CCDC3: variants seen among roughly 807,000 people sequenced by gnomAD.
CCDC3 encodes coiled-coil domain containing 3.
In CCDC3, 24 loss-of-function variants were observed where a neutral mutation model predicts 21.4. The ratio of observed to expected loss-of-function variants is 1.12; its 90% CI spans 0.81 to 1.58. CCDC3 has a LOEUF of 1.58. Ranked by LOEUF, CCDC3 falls within the 40% of genes most tolerant of loss-of-function variation. The pLI is 0.00. For synonymous variants in CCDC3, 186 were observed against 166.0 expected (o/e 1.12, Z -0.93); for missense variants, 425 against 360.9 (o/e 1.18, Z -1.44).
intron 2 of CCDC3, among the ~76,000 whole-genome samples, chr10:12,899,768 T>C (rs1834065042): frequency 6.6e-6 from 1 of 152,054 alleles, no homozygotes; most frequent in South Asian, 2.1e-4. Flanking sequence ...ACACTATCTC[T>C]GGGAGCATAT....
At chr10:13,049,330 A>G (rs1836573095) in intron 5 of CCDC3, among the ~76,000 whole-genome samples, 2 of 152,206 alleles carry the variant, frequency 1.3e-5, no homozygotes, top group Non-Finnish European at 2.9e-5. Context: ...AAATACAAGA[A>G]TCATGAAGGG....
At chr10:13,011,041 C>T (rs953523108) in intron 5 of CCDC3, among the ~76,000 whole-genome samples, 9 of 151,924 alleles carry the variant, frequency 5.9e-5, no homozygotes, top group African/African-American at 1.9e-4. Flanking sequence ...TTAGCTGGGC[C>T]GCGGTGGTGC....
At chr10:12,977,261 C>T (rs370648237) in intron 2 of CCDC3, among the ~76,000 whole-genome samples, 21 of 146,852 alleles carry the variant, frequency 1.4e-4, no homozygotes, top group African/African-American at 5.0e-4. Flanking sequence ...GGCAACAGAG[C>T]GAGACCTTGT....
chr10:12,999,678 A>C (rs1438326858), intron 1 of CCDC3, among the ~76,000 whole-genome samples: 3 of 152,234 alleles, frequency 2.0e-5, no homozygotes, highest in Non-Finnish European at 4.4e-5. Context: ...AGCAAAAAAG[A>C]TGAGAATTGG....
At chr10:12,916,916 T>C (rs1224513661) in intron 2 of CCDC3, among the ~76,000 whole-genome samples, 1 of 152,168 alleles carries the variant, frequency 6.6e-6, no homozygotes, top group Non-Finnish European at 1.5e-5. Context: ...TTGGGGCTAC[T>C]GGGTTGGGCC....
At position 13,032,110 on chromosome 10, in the gene CCDC3, G is replaced by A. The variant is rs554746711; in HGVS notation, c.-2+17564C>T. ...ATCCTCAATAAAATACTGGCAAACC[G>A]AACCCAGCAGCACATCAAAAAGCTT... is the stretch of plus-strand genomic sequence containing the variant. On this transcript the variant is annotated intron_variant, in intron 5 of 6. Coordinates refer to the CCDC3 transcript ENST00000378839. 8.5e-4 allele frequency among the ~76,000 whole-genome samples: 130 copies of A among 152,156 alleles called. 1 individual carries two copies. Among genetic ancestry groups the A allele is most frequent in the African/African-American group, 3.0e-3 (126 of 41,496 alleles).
intron 5 of CCDC3, among the ~76,000 whole-genome samples, chr10:13,031,049 T>A (rs1397479130): frequency 6.6e-6 from 1 of 152,230 alleles, no homozygotes; most frequent in Non-Finnish European, 1.5e-5. Flanking sequence ...TACATTCTTC[T>A]CAGCACCACA....
chr10:12,903,639 G>A (rs1834126409), intron 2 of CCDC3, among the ~76,000 whole-genome samples: 1 of 152,186 alleles, frequency 6.6e-6, no homozygotes, highest in South Asian at 2.1e-4. Context: ...CGCCTCCCAG[G>A]TGCTTGGGTA....
At chr10:12,944,631 T>C (rs1364935311) in intron 2 of CCDC3, among the ~76,000 whole-genome samples, 1 of 152,208 alleles carries the variant, frequency 6.6e-6, no homozygotes, top group Non-Finnish European at 1.5e-5. Flanking sequence ...TGGGCCATGG[T>C]TCTTAACTTA....
intron 2 of CCDC3, among the ~76,000 whole-genome samples, chr10:12,927,540 C>G (rs1834563746): frequency 6.6e-6 from 1 of 151,922 alleles, no homozygotes; most frequent in Non-Finnish European, 1.5e-5. Flanking sequence ...TTTGTAAAGC[C>G]ACTGATTTCT....
chr10:12,955,516 C>T (rs562200034), intron 2 of CCDC3, among the ~76,000 whole-genome samples: 13 of 152,104 alleles, frequency 8.5e-5, no homozygotes, highest in Non-Finnish European at 1.8e-4. Context: ...ACCCAGGGAT[C>T]ATCTAGTTTG....
chr10:12,936,519 G>T (rs1834740753), intron 2 of CCDC3, among the ~76,000 whole-genome samples: 1 of 152,062 alleles, frequency 6.6e-6, no homozygotes, highest in African/African-American at 2.4e-5. Flanking sequence ...GAGCCACTGT[G>T]CCCGGCCACT....
At chr10:13,070,056 GCAAAA>G (rs1836864411) in intron 4 of CCDC3, among the ~76,000 whole-genome samples, 1 of 152,160 alleles carries the variant, frequency 6.6e-6, no homozygotes, top group African/African-American at 2.4e-5. Context: ...TGAATATCAA[GCAAAA>G]CAAGAGTTAA....
At chr10:12,902,586 C>A (rs1412833161) in intron 2 of CCDC3, among the ~76,000 whole-genome samples, 1 of 152,130 alleles carries the variant, frequency 6.6e-6, no homozygotes, top group Non-Finnish European at 1.5e-5. Flanking sequence ...CTCGAATTTT[C>A]AAAGAACAGA....
At chr10:13,019,865 G>A (rs1178390083) in intron 5 of CCDC3, among the ~76,000 whole-genome samples, 2 of 151,984 alleles carry the variant, frequency 1.3e-5, no homozygotes, top group Non-Finnish European at 2.9e-5. Flanking sequence ...GTGTGGTAGT[G>A]CACGCCTGTA....
chr10:12,911,230 A>G, intron 2 of CCDC3, among the ~76,000 whole-genome samples: 1 of 152,066 alleles, frequency 6.6e-6, no homozygotes, highest in East Asian at 1.9e-4. Flanking sequence ...GCCTTATAAC[A>G]TTGTTGGATT....
chr10:12,943,042 AT>A (rs1227450881), intron 2 of CCDC3, among the ~76,000 whole-genome samples: 7 of 152,066 alleles, frequency 4.6e-5, no homozygotes, highest in Non-Finnish European at 5.9e-5. Flanking sequence ...CGTATGTGTG[AT>A]TTTTTTCTAT....
chr10:13,057,606 G>C (rs748365341), intron 4 of CCDC3, among the ~76,000 whole-genome samples: 1 of 151,886 alleles, frequency 6.6e-6, no homozygotes, highest in Non-Finnish European at 1.5e-5. Context: ...TTGACCGGGC[G>C]CGGGGGCTCA....
intron 4 of CCDC3, among the ~76,000 whole-genome samples, chr10:13,060,929 G>T (rs191642183): frequency 8.5e-4 from 129 of 152,264 alleles, no homozygotes; most frequent in Admixed American, 3.4e-3. Context: ...GATTTTAATG[G>T]AGTGAAAAAT....
Sources: gnomAD v4.1 joint callset for allele counts (sites outside exome capture counted in the v4.1 genomes callset) on GRCh38, gnomAD v4.1.1 for gene constraint, MANE v1.5 for transcripts, NCBI Gene and HGNC (gene_info 2026-07-23, HGNC 2026-07-21) for gene names.